The following TREM1 variants were observed in gnomAD, a reference collection of about 807,000 sequenced individuals.
TREM1 encodes triggering receptor expressed on monocytes 1.
TREM1 carries 16 observed loss-of-function variants against 22.4 expected under a neutral mutation model. The observed-to-expected ratio is 0.71, with a 90% CI of 0.48 to 1.08. TREM1 has a LOEUF of 1.08. Ranked by LOEUF, TREM1 falls within the 50% of genes least tolerant of loss-of-function variation. The probability of loss-of-function intolerance (pLI) is 0.00; values close to 1 mark genes in which losing one functional copy is unlikely to be tolerated. For synonymous variants in TREM1, 110 were observed against 111.6 expected, an observed-to-expected ratio of 0.99 and a Z score of 0.09; for missense variants, 283 against 282.9, an observed-to-expected ratio of 1.00 and a Z score of 0.00.
chr6:41,271,916 C>G (rs1013307325), downstream of TREM1, among the ~76,000 whole-genome samples: 1 of 152,190 alleles, frequency 6.6e-6, no homozygotes, highest in African/African-American at 2.4e-5. Flanking sequence ...CTTACCCACT[C>G]TCCTTACCTG....
chr6:41,285,424 G>A (rs934231251), intron 1 of TREM1, among the ~76,000 whole-genome samples: 13 of 152,194 alleles, frequency 8.5e-5, no homozygotes, highest in African/African-American at 3.1e-4. Flanking sequence ...GACAGATTAA[G>A]TGATTTGCCC....
intron 2 of TREM1, chr6:41,282,095 G>C (rs1306838516): frequency 9.5e-6 from 3 of 315,516 alleles, no homozygotes; most frequent in Non-Finnish European, 1.2e-5. Context: ...CCTTGGGAGG[G>C]GGAGTCAGGA....
In TREM1 at chr6:41,279,952, A is replaced by G. The variant is rs369978378; in HGVS notation, c.599+1009T>C. On this transcript the variant is annotated intron_variant, in intron 3 of 3. Coordinates refer to ENST00000244709, the MANE Select transcript of TREM1 (RefSeq NM_018643.5). Reference sequence around the variant, plus strand: ...TGTTTATCTCAGAGTTATCAACACTATATCAATGTCTAAGAACAGGCCAAT... The same window carrying G: ...TGTTTATCTCAGAGTTATCAACACTGTATCAATGTCTAAGAACAGGCCAAT... 1.7e-3 allele frequency: 1,687 copies of G among 976,876 alleles called. 52 individuals carry two copies. In the South Asian group the frequency reaches 0.065, roughly 37 times the overall value. The allele number at this position is 976,876 out of a possible 1,614,324, so 60.5% of individuals were successfully genotyped here.
intron 1 of TREM1, among the ~76,000 whole-genome samples, chr6:41,285,371 A>ATTCTCC (rs2113999219): frequency 6.6e-6 from 1 of 152,354 alleles, no homozygotes; most frequent in South Asian, 2.1e-4. Context: ...AAAAGTTGAC[A>ATTCTCC]CCATTATTCT....
downstream of TREM1, chr6:41,270,366 G>A (rs953005010): frequency 4.8e-5 from 7 of 146,478 alleles, no homozygotes; most frequent in Non-Finnish European, 7.5e-5. Context: ...ATGTAGGAGT[G>A]ATTAAGTATT....
At position 41,275,603 on chromosome 6, in the gene TREM1, A is replaced by T. The variant is rs1767634990; in HGVS notation, c.*522T>A. 6.5e-6 allele frequency: 1 copy of T among 153,232 alleles called. No individual in the cohort carries two copies. Among genetic ancestry groups the T allele is most frequent in the Admixed American group, 6.5e-5 (1 of 15,414 alleles). The allele number at this position is 153,232 out of a possible 1,614,324, so 9.5% of individuals were successfully genotyped here. A position where few individuals can be genotyped will look rare whatever the true frequency, so the allele number is the denominator to read the frequency against. Reference sequence around the variant, plus strand: ...GATGTCTTATTTCTCCAGGTTCCACAATCTTCAACACCCTTTTCTGGGAGT... The same window carrying T: ...GATGTCTTATTTCTCCAGGTTCCACTATCTTCAACACCCTTTTCTGGGAGT... On this transcript the variant is annotated 3_prime_UTR_variant, in exon 4 of 4. Transcript: ENST00000244709.
At chr6:41,279,375 T>C (rs1767803852) in intron 3 of TREM1, among the ~76,000 whole-genome samples, 1 of 152,234 alleles carries the variant, frequency 6.6e-6, no homozygotes, top group Non-Finnish European at 1.5e-5. Flanking sequence ...CTTTGTTACT[T>C]TGTGCGTCTT....
chr6:41,267,717 A>C (rs1767367905), downstream of TREM1, among the ~76,000 whole-genome samples: 1 of 152,138 alleles, frequency 6.6e-6, no homozygotes, highest in Admixed American at 6.6e-5. Flanking sequence ...ACATAGCAAG[A>C]CTCCATCTCT....
chr6:41,278,662 A>AAAAAAAGAAAAG (rs1767769669), intron 3 of TREM1, among the ~76,000 whole-genome samples: 1 of 152,082 alleles, frequency 6.6e-6, no homozygotes, highest in Non-Finnish European at 1.5e-5. Context: ...GTCTCAAAAA[A>AAAAAAAGAAAAG]AAAAAGAAAA....
In TREM1 at chr6:41,279,418, G is replaced by A. The variant is rs6916298; in HGVS notation, c.599+1543C>T. On this transcript the variant is annotated intron_variant, in intron 3 of 3. Transcript: ENST00000244709. ...ACTTTGATTAAAAGGCCCAGAACCT[G>A]GACAGCTTACACTTAAGGCCCTCCT... The A allele has an allele frequency of 7.3e-3, 4,199 of 572,768 alleles. 148 individuals are homozygous for A. The African/African-American group carries it at 0.077, about 11-fold the overall frequency. 35.5% of individuals were successfully genotyped at this position (572,768 alleles called of 1,614,324 possible).
At chr6:41,277,312 C>A (rs1199109914) in intron 3 of TREM1, among the ~76,000 whole-genome samples, 1 of 151,780 alleles carries the variant, frequency 6.6e-6, no homozygotes, top group African/African-American at 2.4e-5. Context: ...CATTCCCAAG[C>A]CTGACTGGTC....
chr6:41,269,148 A>G (rs74348356), downstream of TREM1, among the ~76,000 whole-genome samples: 32 of 152,336 alleles, frequency 2.1e-4, no homozygotes, highest in East Asian at 6.2e-3. Flanking sequence ...AAAGAGTTTT[A>G]TAGAAAAACT....
chr6:41,267,591 TA>T (rs372548135), downstream of TREM1, among the ~76,000 whole-genome samples: 15 of 151,722 alleles, frequency 9.9e-5, no homozygotes, highest in African/African-American at 7.3e-5. Context: ...TAGTAAAGAT[TA>T]AAAAAAACAC....
intron 3 of TREM1, among the ~76,000 whole-genome samples, chr6:41,276,488 C>G (rs948871387): frequency 5.3e-5 from 8 of 152,150 alleles, no homozygotes; most frequent in African/African-American, 1.7e-4. Context: ...GCCCATCCTC[C>G]TCCCTGTGAT....
At position 41,281,072 on chromosome 6, in the gene TREM1, C is replaced by A. The variant is rs201082267; in HGVS notation, c.488G>T (p.Cys163Phe). The A allele has an allele frequency of 1.0e-4, 162 of 1,614,080 alleles. No individual in the cohort carries two copies. The highest frequency in any genetic ancestry group is 3.3e-4 in the Middle Eastern group (2 of 6,084). The change falls in exon 3 of 4, where the codon TGC (cysteine) becomes TTC (phenylalanine). Residue 163 changes from cysteine (C) to phenylalanine (F), a missense_variant. By Grantham distance (205) the Cys-to-Phe change is radical (BLOSUM62 -2). Coordinates refer to ENST00000244709, the MANE Select transcript of TREM1 (RefSeq NM_018643.5). ...AGTTCTGGGGCTGGTATAGAGTGGG[C>A]ACAAGGCCTTAGTGGTGGTAGGAGG... is the stretch of plus-strand genomic sequence containing the variant. ...KIPPTTTKALCPLYTSPRTVT... is the reference protein window; with the variant it reads ...KIPPTTTKALFPLYTSPRTVT...
Position 41,276,204 on chromosome 6 carries a change from A to G in TREM1, c.626T>C (p.Leu209Pro). 1 of 1,614,150 alleles carries G rather than the reference A, an allele frequency of 6.2e-7. No homozygotes were observed. Among genetic ancestry groups the G allele is most frequent in the Non-Finnish European group, 8.5e-7 (1 of 1,180,022 alleles). The stretch of plus-strand genomic sequence containing the variant: ...CTTACTCAGGAATCCACCAGCCAGG[A>G]GAATGACAATGTTGAACACCGGAAC... ...IRVPVFNIVI[L>P]LAGGFLSKSL... Residue 209 changes from leucine to proline, a missense_variant, in exon 4 of 4, where the codon CTC (leucine) becomes CCC (proline). Coordinates refer to ENST00000244709, the MANE Select transcript of TREM1 (RefSeq NM_018643.5).
At position 41,282,418 on chromosome 6, in the gene TREM1, C is replaced by T. The variant is rs1018046222; in HGVS notation, c.383G>A (p.Arg128His). 15 of 1,612,264 alleles carry T rather than the reference C, an allele frequency of 9.3e-6. No individual in the cohort carries two copies. The highest frequency in any genetic ancestry group is 4.5e-5 in the East Asian group (2 of 44,850). ...PPKEPHMLFD[R>H]IRLVVTKGFS... ...ACCCTTGGTCACCACCAAGCGGATG[C>T]GATCGAACAGCATGTGAGGCTCCTT... Residue 128 changes from arginine to histidine, a missense_variant, in exon 2 of 4, where the codon CGC (arginine) becomes CAC (histidine). Arg to His is a conservative substitution (Grantham distance 29, BLOSUM62 0). Transcript: ENST00000244709.
downstream of TREM1, chr6:41,270,298 GA>G (rs1767441609): frequency 6.6e-6 from 1 of 152,326 alleles, no homozygotes; most frequent in South Asian, 2.1e-4. Flanking sequence ...CCCAACCTCA[GA>G]CCACAACACA....
chr6:41,270,440 TTATATAATATATATATATA>T (rs1272527906), downstream of TREM1, among the ~76,000 whole-genome samples: 49 of 72,372 alleles, frequency 6.8e-4, 2 homozygotes, highest in African/African-American at 2.1e-3. Context: ...ATATATGATA[TTATATAATATATATATATA>T]TATATATATA....
Sources: allele counts gnomAD v4.1 joint callset (sites outside exome capture counted in the v4.1 genomes callset), GRCh38; gene constraint gnomAD v4.1.1; transcripts MANE v1.5; gene names NCBI Gene and HGNC (gene_info 2026-07-23, HGNC 2026-07-21).